URI1: variants seen among roughly 807,000 people sequenced by gnomAD.
The protein encoded by URI1 is unconventional prefoldin RPB5 interactor 1.
A neutral mutation model predicts 60.2 loss-of-function variants in URI1; 39 were observed. The ratio of observed to expected loss-of-function variants is 0.65; its 90% confidence interval spans 0.50 to 0.85. The LOEUF (loss-of-function observed/expected upper bound fraction) is 0.85. URI1 is among the 40% of genes least tolerant of loss of function. URI1 has a pLI of 0.00. For synonymous variants in URI1, 251 were observed against 236.8 expected, an observed-to-expected ratio of 1.06 and a Z score of -0.55; for missense variants, 691 against 665.9, an observed-to-expected ratio of 1.04 and a Z score of -0.42.
chr19:30,013,885 C>T (rs1053258125), intron 10 of URI1, among the ~76,000 whole-genome samples: 1 of 152,044 alleles, frequency 6.6e-6, no homozygotes, highest in Non-Finnish European at 1.5e-5. Flanking sequence ...AGAGAGATGG[C>T]TTTCTTTGTT....
chr19:30,009,067 A>G lies in URI1; in HGVS notation c.749A>G (p.Asp250Gly), dbSNP rs1247705925. The G allele has an allele frequency of 6.2e-7, 1 of 1,613,982 alleles. No individual in the cohort carries two copies. Among genetic ancestry groups the G allele is most frequent in the Non-Finnish European group, 8.5e-7 (1 of 1,179,906 alleles). Residue 250 changes from aspartate (D) to glycine (G), a missense_variant, in exon 8 of 11, where the codon GAT becomes GGT. Coordinates refer to ENST00000392271, the MANE Select transcript of URI1 (RefSeq NM_003796.3). ...ACATCTTCTGAAGAGGAAAAGGAAG[A>G]TCGTAACACAAATGTGAATGCGATG... ...DTTSSEEEKE[D>G]RNTNVNAMHQ... is the part of the protein sequence containing the mutation.
intron 1 of URI1, among the ~76,000 whole-genome samples, chr19:29,955,390 C>G (rs1243280923): frequency 6.6e-6 from 1 of 152,116 alleles, no homozygotes. Flanking sequence ...CTCAGTAAAT[C>G]ACTTTATGCA....
At chr19:29,980,992 A>G (rs1170414390) in intron 2 of URI1, among the ~76,000 whole-genome samples, 1 of 151,810 alleles carries the variant, frequency 6.6e-6, no homozygotes, top group African/African-American at 2.4e-5. Context: ...ACTTTAAAGT[A>G]AAATTAGCAA....
chr19:29,924,136 T>C (rs2145182916), intron 1 of URI1, among the ~76,000 whole-genome samples: 1 of 152,270 alleles, frequency 6.6e-6, no homozygotes, highest in South Asian at 2.1e-4. Context: ...GTGGATTGAA[T>C]GTTGCCCACC....
At position 29,957,798 on chromosome 19, in the gene URI1, T is replaced by C. The variant is rs544633428; in HGVS notation, c.118-13395T>C. Among the ~76,000 whole-genome samples the C allele has an allele frequency of 3.3e-5, 5 of 152,330 alleles. No individual in the cohort carries two copies. The South Asian group carries it at 1.0e-3, about 32-fold the overall frequency. ...CAATTTATTTACTTCTATAACTTTT[T>C]AGTATTAGCTTTTAAAAGTATATAA... is the stretch of plus-strand genomic sequence containing the variant. On this transcript the variant is annotated intron_variant, in intron 1 of 10. Coordinates refer to ENST00000392271, the MANE Select transcript of URI1 (RefSeq NM_003796.3).
rs752552190 is a variant in URI1, at chr19:29,956,634, A to C, written c.117+13970A>C. ...TCTGAACCCTGCGGATGTATTTTTC[A>C]CCCAAGAAATTTCGGATTTCAACAA... On this transcript the variant is annotated intron_variant, in intron 1 of 10. Transcript: ENST00000392271. The C allele has an allele frequency of 4.5e-5, 68 of 1,511,654 alleles. No individual in the cohort carries two copies. In the Admixed American group the frequency reaches 7.5e-4, roughly 17 times the overall value. The allele number at this position is 1,511,654 out of a possible 1,614,324, so 93.6% of individuals were successfully genotyped here.
intron 2 of URI1, among the ~76,000 whole-genome samples, chr19:29,981,367 C>G (rs2055595491): frequency 6.6e-6 from 1 of 152,146 alleles, no homozygotes; most frequent in Non-Finnish European, 1.5e-5. Flanking sequence ...TTCTCTCTTA[C>G]TTTCTACAAT....
chr19:29,950,561 CT>C (rs926241075), intron 1 of URI1, among the ~76,000 whole-genome samples: 2 of 151,874 alleles, frequency 1.3e-5, no homozygotes, highest in African/African-American at 2.4e-5. Flanking sequence ...TTATATATTC[CT>C]TTTTTTTCCC....
At chr19:30,009,426 G>C in intron 8 of URI1, 73 bp downstream of exon 8, 2 of 1,332,556 alleles carry the variant, frequency 1.5e-6, no homozygotes, top group South Asian at 1.4e-5. Flanking sequence ...TTTTAGAAGA[G>C]CAATATTAAC....
chr19:30,007,419 C>T, intron 6 of URI1, 51 bp from the exon 7 acceptor site: 1 of 1,585,740 alleles, frequency 6.3e-7, no homozygotes, highest in Non-Finnish European at 8.6e-7. Context: ...TGGGTTTGTG[C>T]CTTTTTTATG....
chr19:29,956,335 T>C (rs1391331431), intron 1 of URI1: 1 of 948,360 alleles, frequency 1.1e-6, no homozygotes, highest in Non-Finnish European at 1.6e-6. Flanking sequence ...GGTCTTTTAT[T>C]GCATCATTGA....
chr19:29,956,453 A>G (rs77405980), intron 1 of URI1: 96,560 of 1,585,058 alleles, frequency 0.061, 4,497 homozygotes, highest in East Asian at 0.19. Flanking sequence ...TCAGAGACAT[A>G]GATACCATCC....
intron 1 of URI1, among the ~76,000 whole-genome samples, chr19:29,926,768 G>A (rs141721529): frequency 6.6e-6 from 1 of 152,248 alleles, no homozygotes; most frequent in African/African-American, 2.4e-5. Context: ...GACCCACCTT[G>A]GGGATGCTCA....
At chr19:29,973,319 C>T (rs1039735526) in intron 2 of URI1, among the ~76,000 whole-genome samples, 2 of 152,274 alleles carry the variant, frequency 1.3e-5, no homozygotes, top group East Asian at 3.9e-4. Flanking sequence ...AGATATGAAG[C>T]AACTACAGGA....
rs1026953481 is a variant in URI1 at position 29,956,750 on chromosome 19, A to G, written c.117+14086A>G. ...GAAGCCCAGTGTAACACCCTTGATC[A>G]TGTTCTGTACATGACTACAAATAGT... On this transcript the variant is annotated intron_variant, in intron 1 of 10. Coordinates refer to ENST00000392271, the MANE Select transcript of URI1 (RefSeq NM_003796.3). 116 of 1,584,208 alleles carry G rather than the reference A, an allele frequency of 7.3e-5. No individual in the cohort carries two copies. The Middle Eastern group carries it at 7.4e-4, about 10-fold the overall frequency.
intron 10 of URI1, 132 bp downstream of exon 10, chr19:30,012,663 T>A (rs1413860209): frequency 1.1e-5 from 12 of 1,131,038 alleles, no homozygotes; most frequent in Non-Finnish European, 1.5e-5. Context: ...TAATAAAAAA[T>A]TAATAGTCAC....
intron 8 of URI1, among the ~76,000 whole-genome samples, chr19:30,010,542 G>T (rs2056004339): frequency 6.6e-6 from 1 of 152,158 alleles, no homozygotes; most frequent in South Asian, 2.1e-4. Flanking sequence ...GGTCATTATT[G>T]TGGAAAGTAT....
intron 1 of URI1, among the ~76,000 whole-genome samples, chr19:29,931,064 A>C (rs1314812581): frequency 2.0e-5 from 3 of 151,768 alleles, no homozygotes; most frequent in Non-Finnish European, 4.4e-5. Flanking sequence ...GAAGTATGAG[A>C]CCTCCAACTT....
At chr19:29,930,641 G>C (rs1336648641) in intron 1 of URI1, among the ~76,000 whole-genome samples, 2 of 151,774 alleles carry the variant, frequency 1.3e-5, no homozygotes, top group Non-Finnish European at 2.9e-5. Flanking sequence ...TTATTTTCTG[G>C]GCTCTTTATT....
Sources: gnomAD v4.1 joint callset for allele counts (sites outside exome capture counted in the v4.1 genomes callset) on GRCh38, gnomAD v4.1.1 for gene constraint, MANE v1.5 for transcripts, NCBI Gene and HGNC (gene_info 2026-07-23, HGNC 2026-07-21) for gene names.